Variants in ZKSCAN4 observed in about 807,000 individuals in gnomAD.
The protein encoded by ZKSCAN4 is zinc finger protein with KRAB and SCAN domains 4.
A neutral mutation model predicts 30.8 loss-of-function variants in ZKSCAN4; 23 were observed. That is an observed-to-expected ratio of 0.75 (90% CI 0.54 to 1.06). The LOEUF (loss-of-function observed/expected upper bound fraction) is 1.06. Ranked by LOEUF, ZKSCAN4 falls within the 50% of genes least tolerant of loss-of-function variation. The pLI is 0.00. For missense variants in ZKSCAN4, 556 were observed against 665.4 expected (o/e 0.84, Z 1.81); for synonymous variants, 208 against 252.5 (o/e 0.82, Z 1.67).
rs3085840 is a variant in ZKSCAN4, at chr6:28,242,756, T to TACAC, written c.*2356_*2359dup. On this transcript the variant is annotated 3_prime_UTR_variant, in exon 5 of 5. Transcript: ENST00000377294. ...CTAAAGACCTAAGCCTAAGTGTGTATACACACACACACACACACACACAAA... is the reference window on the plus strand; with the variant it reads ...CTAAAGACCTAAGCCTAAGTGTGTATACACACACACACACACACACACACACAAA... Among the ~76,000 whole-genome samples the TACAC allele has an allele frequency of 0.015, 2,205 of 150,324 alleles. 27 individuals are homozygous for TACAC. Among genetic ancestry groups the TACAC allele is most frequent in the Middle Eastern group, 0.055 (16 of 290 alleles).
At chr6:28,250,427 T>C (rs1760944442) in intron 1 of ZKSCAN4, among the ~76,000 whole-genome samples, 1 of 152,226 alleles carries the variant, frequency 6.6e-6, no homozygotes, top group South Asian at 2.1e-4. Flanking sequence ...GTGGAAATGC[T>C]AGGATGGGAG....
chr6:28,257,197 G>A (rs1761205503), upstream of ZKSCAN4, among the ~76,000 whole-genome samples: 1 of 151,972 alleles, frequency 6.6e-6, no homozygotes, highest in South Asian at 2.1e-4. Flanking sequence ...ATACACCATG[G>A]AATACTATAC....
Position 28,246,032 on chromosome 6 carries a change from CTG to C in ZKSCAN4, c.779-59_779-58del, listed in dbSNP as rs1491075214. On this transcript the variant is annotated intron_variant, in intron 4 of 4. Coordinates refer to ENST00000377294, the MANE Select transcript of ZKSCAN4 (RefSeq NM_019110.5). ...TATGCCCTGCCATGGGAGGAAAGCT[CTG>C]TGATGAGTACTAGGGAGACAAGAAT... is the stretch of plus-strand genomic sequence containing the variant. 3.1e-6 allele frequency: 5 copies of C among 1,611,490 alleles called. No individual in the cohort carries two copies. In the Admixed American group the frequency reaches 5.0e-5, roughly 16 times the overall value.
upstream of ZKSCAN4, among the ~76,000 whole-genome samples, chr6:28,254,276 A>G (rs1045111471): frequency 3.3e-5 from 5 of 152,258 alleles, no homozygotes; most frequent in African/African-American, 1.2e-4. Context: ...GCAGTTCTGC[A>G]GTCACATTTA....
rs1760755758 is a variant in ZKSCAN4, at chr6:28,246,845, C to T, written c.778+124G>A. The T allele has an allele frequency of 2.1e-5, 25 of 1,206,616 alleles. 1 individual carries two copies. In the South Asian group the frequency reaches 3.9e-4, roughly 19 times the overall value. 74.7% of individuals were successfully genotyped at this position (1,206,616 alleles called of 1,614,324 possible). A position where few individuals can be genotyped will look rare whatever the true frequency, so the allele number is the denominator to read the frequency against. ...TAAGGAGCTAGTAGTCAGTAACAGG[C>T]TTTCAGGAATGGTGATTCTGAATCC... is the stretch of plus-strand genomic sequence containing the variant. On this transcript the variant is annotated intron_variant, in intron 4 of 4. Coordinates refer to ENST00000377294, the MANE Select transcript of ZKSCAN4 (RefSeq NM_019110.5).
In ZKSCAN4 at chr6:28,245,657, T is replaced by A. The variant is rs879598292; in HGVS notation, c.1097A>T (p.His366Leu). ...CTTCTCACCAGTGTGGACTCTCTGA[T>A]GAATGACAAGGGCAGAGCTCCCAAT... ...TFIGSSALVI[H>L]QRVHTGEKPY... Residue 366 changes from histidine to leucine, a missense_variant, in exon 5 of 5, where the codon CAT becomes CTT. His to Leu is a moderately conservative substitution (Grantham distance 99). Transcript: ENST00000377294. 6 of 1,614,088 alleles carry A rather than the reference T, an allele frequency of 3.7e-6. No individual in the cohort carries two copies. Among genetic ancestry groups the A allele is most frequent in the Non-Finnish European group, 4.2e-6 (5 of 1,180,044 alleles).
Position 28,251,781 on chromosome 6 carries a change from G to C in ZKSCAN4, c.200C>G (p.Pro67Arg). 6.2e-7 allele frequency: 1 copy of C among 1,614,058 alleles called. No homozygotes were observed. The highest frequency in any genetic ancestry group is 1.1e-5 in the South Asian group (1 of 91,076). ...RGFRYPEAAG[P>R]REALSRLREL... is the part of the protein sequence containing the mutation. ...TCGGAGCCGGCTCAACGCCTCGCGGGGGCCCGCAGCCTCCGGGTAGCGGAA... is the reference window on the plus strand; with the variant it reads ...TCGGAGCCGGCTCAACGCCTCGCGGCGGCCCGCAGCCTCCGGGTAGCGGAA... The change falls in exon 1 of 5, where the codon CCC becomes CGC. Residue 67 changes from proline to arginine, a missense_variant. Around this residue, in one of 3 missense-constraint regions of ZKSCAN4, gnomAD observed 115 missense variants for 125.9 expected, o/e 0.91. Transcript: ENST00000377294. The surrounding 1 kb of genome is among the most constrained non-coding windows in gnomAD (Gnocchi z 4.5).
At chr6:28,258,098 G>A in the ZKSCAN4 span, among the ~76,000 whole-genome samples, 1 of 152,040 alleles carries the variant, frequency 6.6e-6, no homozygotes, top group African/African-American at 2.4e-5. Flanking sequence ...TTCAATCAAA[G>A]TACTAAAATT....
chr6:28,258,216 C>T, the ZKSCAN4 span, among the ~76,000 whole-genome samples: 1 of 152,174 alleles, frequency 6.6e-6, no homozygotes, highest in East Asian at 1.9e-4. Context: ...TTTGACCTGG[C>T]TGTCAAACAA....
Position 28,246,906 on chromosome 6 carries a change from A to G in ZKSCAN4, c.778+63T>C, listed in dbSNP as rs1263391948. The G allele has an allele frequency of 1.3e-5, 20 of 1,535,640 alleles. No homozygotes were observed. The Admixed American group carries it at 3.6e-4, about 27-fold the overall frequency. Reference sequence around the variant, plus strand: ...GGGGCTTAACAGCTTCTAACAGCCCAATAGGTTCTAATACGCAAAGAATGC... The same window carrying G: ...GGGGCTTAACAGCTTCTAACAGCCCGATAGGTTCTAATACGCAAAGAATGC... On this transcript the variant is annotated intron_variant, in intron 4 of 4. Coordinates refer to ENST00000377294, the MANE Select transcript of ZKSCAN4 (RefSeq NM_019110.5).
upstream of ZKSCAN4, among the ~76,000 whole-genome samples, chr6:28,253,791 C>T (rs968198084): frequency 3.3e-5 from 5 of 152,118 alleles, no homozygotes; most frequent in Non-Finnish European, 5.9e-5. This position sits in a 1 kb window ranked among gnomAD's most constrained non-coding sequence, Gnocchi z 4.2. Context: ...CTGAAACCTC[C>T]ACTTCCTGGG....
rs1246625638 is a variant in ZKSCAN4, at chr6:28,252,196, CAGTA to C, written c.-220_-217del. The C allele has an allele frequency of 4.8e-5, 20 of 416,888 alleles. No homozygotes were observed. The East Asian group carries it at 6.3e-4, about 13-fold the overall frequency. 25.8% of individuals were successfully genotyped at this position (416,888 alleles called of 1,614,324 possible). On this transcript the variant is annotated 5_prime_UTR_variant, in exon 1 of 5. Coordinates refer to ENST00000377294, the MANE Select transcript of ZKSCAN4 (RefSeq NM_019110.5). ...CCTCTGCACCCCACTCTGAATCCCA[CAGTA>C]AGTATCACCAAAGGATGTCTTTGGG... is the stretch of plus-strand genomic sequence containing the variant.
Position 28,251,863 on chromosome 6 carries a change from TCACCTCCGCCG to T in ZKSCAN4, c.107_117del (p.Thr36LysfsTer46). 1.3e-6 allele frequency: 2 copies of T among 1,570,184 alleles called. No homozygotes were observed. Among genetic ancestry groups the T allele is most frequent in the Non-Finnish European group, 1.7e-6 (2 of 1,162,178 alleles). ...CCCCGAGCAGGGCTGCAGGGTGCTC[TCACCTCCGCCG>T]TCAAGGCGGAGGCTTCCTCCTTCTC... On this transcript the variant is annotated frameshift_variant, in exon 1 of 5. Coordinates refer to ENST00000377294, the MANE Select transcript of ZKSCAN4 (RefSeq NM_019110.5). LOFTEE classifies it high-confidence loss of function. This position sits in a 1 kb window ranked among gnomAD's most constrained non-coding sequence, Gnocchi z 4.5.
chr6:28,248,196 C>G, intron 2 of ZKSCAN4, 47 bp from the exon 3 acceptor site: 1 of 1,487,384 alleles, frequency 6.7e-7, no homozygotes, highest in Non-Finnish European at 9.2e-7. Context: ...AGTATTCAGC[C>G]TCCCCACCTT....
upstream of ZKSCAN4, among the ~76,000 whole-genome samples, chr6:28,253,484 A>G (rs115602629): frequency 0.011 from 1,625 of 152,356 alleles, 31 homozygotes; most frequent in African/African-American, 0.036. The surrounding 1 kb of genome is among the most constrained non-coding windows in gnomAD (Gnocchi z 4.2). Context: ...CACAGAAGGT[A>G]GGGGGCACTG....
rs1372580539 is a variant in ZKSCAN4, at chr6:28,249,448, A to C, written c.571+239T>G. Among the ~76,000 whole-genome samples, 1 of 152,220 alleles carries C rather than the reference A, an allele frequency of 6.6e-6. No individual in the cohort carries two copies. The highest frequency in any genetic ancestry group is 2.4e-5 in the African/African-American group (1 of 41,452). Reference sequence around the variant, plus strand: ...ATATATCTAATGAATGGAGATCACCATGTTGTTTAAAAAACCGATTCTTTC... The same window carrying C: ...ATATATCTAATGAATGGAGATCACCCTGTTGTTTAAAAAACCGATTCTTTC... On this transcript the variant is annotated intron_variant, in intron 2 of 4. Coordinates refer to ENST00000377294, the MANE Select transcript of ZKSCAN4 (RefSeq NM_019110.5). The surrounding 1 kb of genome is among the most constrained non-coding windows in gnomAD (Gnocchi z 4.1).
At position 28,249,838 on chromosome 6, in the gene ZKSCAN4, GA is replaced by G; in HGVS notation, c.424-5del. ...GCCCCTGGTCACCAACGGGAACCTA[GA>G]AGTCACGATTTTTAGTTATCTACCC... On this transcript the variant is annotated splice_region_variant and splice_polypyrimidine_tract_variant and intron_variant, in intron 1 of 4. Transcript: ENST00000377294. The surrounding 1 kb of genome is among the most constrained non-coding windows in gnomAD (Gnocchi z 4.1). 6.2e-7 allele frequency: 1 copy of G among 1,612,272 alleles called. No homozygotes were observed. Among genetic ancestry groups the G allele is most frequent in the Non-Finnish European group, 8.5e-7 (1 of 1,179,540 alleles).
Position 28,249,622 on chromosome 6 carries a change from G to C in ZKSCAN4, c.571+65C>G. ...AAAGTAACTGTAAATGGATCTTTTA[G>C]GTGATCCTTAAATGAAATTGGATGA... On this transcript the variant is annotated intron_variant, in intron 2 of 4. Transcript: ENST00000377294. The surrounding 1 kb of genome is among the most constrained non-coding windows in gnomAD (Gnocchi z 4.1). The C allele has an allele frequency of 1.3e-6, 2 of 1,555,604 alleles. No individual in the cohort carries two copies. The highest frequency in any genetic ancestry group is 1.7e-6 in the Non-Finnish European group (2 of 1,143,652).
chr6:28,249,881 C>T lies in ZKSCAN4; in HGVS notation c.424-47G>A, dbSNP rs1760914292. 2 of 1,604,284 alleles carry T rather than the reference C, an allele frequency of 1.2e-6. No individual in the cohort carries two copies. Among genetic ancestry groups the T allele is most frequent in the Admixed American group, 3.4e-5 (2 of 58,208 alleles). On this transcript the variant is annotated intron_variant, in intron 1 of 4. Transcript: ENST00000377294. The surrounding 1 kb of genome is among the most constrained non-coding windows in gnomAD (Gnocchi z 4.1). ...TATCTACCCAACATTTCTATGTTTT[C>T]CATGTGCAAGTGATTTCTATTTTCT...
Sources: gnomAD v4.1 joint callset for allele counts (sites outside exome capture counted in the v4.1 genomes callset) on GRCh38, gnomAD v4.1.1 for gene constraint, gnomAD v4.1.1 regional missense constraint, Gnocchi (gnomAD v3.1) non-coding constraint, MANE v1.5 for transcripts, NCBI Gene and HGNC (gene_info 2026-07-23, HGNC 2026-07-21) for gene names.